The following JAK2 variants were observed in gnomAD, a reference collection of about 807,000 sequenced individuals.
JAK2 encodes Janus kinase 2.
JAK2 carries 86 observed loss-of-function variants against 139.3 expected under a neutral mutation model. That is an observed-to-expected ratio of 0.62 (90% CI 0.52 to 0.74). The LOEUF (loss-of-function observed/expected upper bound fraction) is 0.74. Among genes scored for constraint, JAK2 ranks in the 30% least tolerant of loss-of-function variants. JAK2 has a pLI of 0.00. For missense variants in JAK2, 1,421 were observed against 1,360.3 expected (o/e 1.04, Z -0.70); for synonymous variants, 490 against 437.7 (o/e 1.12, Z -1.49).
intron 23 of JAK2, 51 bp from the exon 24 acceptor site, chr9:5,126,282 T>C (rs767850998): frequency 1.8e-5 from 24 of 1,321,322 alleles, no homozygotes; most frequent in East Asian, 2.4e-5. Flanking sequence ...TGAGAAAGAA[T>C]TTTGCTACAA....
chr9:5,056,179 G>A (rs1478446809), intron 8 of JAK2, among the ~76,000 whole-genome samples: 3 of 152,082 alleles, frequency 2.0e-5, no homozygotes, highest in Non-Finnish European at 4.4e-5. Context: ...ATAAATCAAT[G>A]ATGTCTGGAA....
intron 2 of JAK2, among the ~76,000 whole-genome samples, chr9:5,010,358 C>T (rs1328105066): frequency 6.9e-6 from 1 of 145,748 alleles, no homozygotes; most frequent in Non-Finnish European, 1.5e-5. Context: ...GAGTCTCGCT[C>T]TGTCGCCCAG....
In JAK2 at chr9:4,987,153, G is replaced by C. The variant is rs150035191; in HGVS notation, c.-26+1131G>C. On this transcript the variant is annotated intron_variant, in intron 2 of 24. Transcript: ENST00000381652. ...TACATGTATTTACCTGAATAGGAAA[G>C]CTGCAGTACTTGCTGGCCAGAAGAG... Among the ~76,000 whole-genome samples the C allele has an allele frequency of 8.3e-4, 127 of 152,328 alleles. 1 individual carries two copies. The highest frequency in any genetic ancestry group is 2.7e-3 in the African/African-American group (114 of 41,574).
At chr9:5,015,802 G>T (rs1297697576) in intron 2 of JAK2, among the ~76,000 whole-genome samples, 1 of 152,100 alleles carries the variant, frequency 6.6e-6, no homozygotes, top group East Asian at 1.9e-4. Flanking sequence ...AGTGCCTATG[G>T]AATTCTGGGA....
At chr9:5,041,131 G>C in intron 4 of JAK2, 1 of 974,078 alleles carries the variant, frequency 1.0e-6, no homozygotes, top group African/African-American at 1.6e-5. Flanking sequence ...CGGTGCTCCT[G>C]ATCGCCATCC....
intron 4 of JAK2, among the ~76,000 whole-genome samples, chr9:5,038,023 C>A (rs1479890930): frequency 6.6e-6 from 1 of 152,114 alleles, no homozygotes; most frequent in Non-Finnish European, 1.5e-5. Flanking sequence ...AACGAGATTG[C>A]TTGCTTTAGC....
chr9:5,111,678 G>A, intron 22 of JAK2: 1 of 421,208 alleles, frequency 2.4e-6, no homozygotes. Context: ...GGCCCTGTGG[G>A]CAGTGGCGGA....
chr9:5,019,153 CT>C (rs1316541046), intron 2 of JAK2, among the ~76,000 whole-genome samples: 1 of 152,064 alleles, frequency 6.6e-6, no homozygotes, highest in Non-Finnish European at 1.5e-5. Flanking sequence ...TTTTCTATTC[CT>C]TTTGTATTTT....
At chr9:5,113,307 C>T (rs1481968005) in intron 22 of JAK2, among the ~76,000 whole-genome samples, 1 of 143,650 alleles carries the variant, frequency 7.0e-6, no homozygotes, top group African/African-American at 2.6e-5. Context: ...GTGGAGAAAT[C>T]GTAACATATC....
At chr9:5,085,156 C>T (rs189483352) in intron 19 of JAK2, 14 of 648,580 alleles carry the variant, frequency 2.2e-5, no homozygotes, top group Middle Eastern at 5.3e-4. Flanking sequence ...CTGTGGAGCT[C>T]TGTCTACATC....
At chr9:5,087,471 A>G (rs1288441639) in intron 19 of JAK2, among the ~76,000 whole-genome samples, 2 of 47,080 alleles carry the variant, frequency 4.2e-5, no homozygotes, top group Non-Finnish European at 6.9e-5. Flanking sequence ...GCCAAACCAT[A>G]TCACTCCCTT....
intron 3 of JAK2, among the ~76,000 whole-genome samples, chr9:5,023,715 C>T (rs1822587841): frequency 6.6e-6 from 1 of 152,114 alleles, no homozygotes. Flanking sequence ...CAGTGTTCCT[C>T]TTGGATAATC....
At position 5,019,720 on chromosome 9, in the gene JAK2, G is replaced by A. The variant is rs146085512; in HGVS notation, c.-25-2243G>A. On this transcript the variant is annotated intron_variant, in intron 2 of 24. Transcript: ENST00000381652. The stretch of plus-strand genomic sequence containing the variant: ...GGACTTTTTCCTGAAGATTTGACTG[G>A]GGTGTTTGTTGGCCAGGGCACTTTG... 5.8e-3 allele frequency among the ~76,000 whole-genome samples: 878 copies of A among 152,266 alleles called. 10 individuals are homozygous for A. The highest frequency in any genetic ancestry group is 0.02 in the African/African-American group (824 of 41,538).
At chr9:5,011,601 A>G (rs941229688) in intron 2 of JAK2, among the ~76,000 whole-genome samples, 7 of 152,178 alleles carry the variant, frequency 4.6e-5, no homozygotes, top group Non-Finnish European at 1.0e-4. Context: ...AAAGTCTTTA[A>G]AATAAATTCT....
At position 5,050,763 on chromosome 9, in the gene JAK2, A is replaced by C. The variant is rs1489246318; in HGVS notation, c.546A>C (p.Ala182=). 2 of 1,613,084 alleles carry C rather than the reference A, an allele frequency of 1.2e-6. No homozygotes were observed. The highest frequency in any genetic ancestry group is 1.7e-6 in the Non-Finnish European group (2 of 1,179,086). The change falls in exon 6 of 25, where the codon GCA becomes GCC. Residue 182 remains alanine, a synonymous_variant. Coordinates refer to ENST00000381652, the MANE Select transcript of JAK2 (RefSeq NM_004972.4). ...CACAGGAAGAATGTCTTGGGATGGC[A>C]GTGTTAGATATGATGAGAATAGCCA... ...HETQEECLGM[A]VLDMMRIAKE...
At position 5,126,318 on chromosome 9, in the gene JAK2, G is replaced by A. The variant is rs908144812; in HGVS notation, c.3178-15G>A. 6.5e-7 allele frequency: 1 copy of A among 1,535,916 alleles called. No individual in the cohort carries two copies. The highest frequency in any genetic ancestry group is 1.2e-5 in the South Asian group (1 of 84,866). ...ATTAAATGTACAAAAAATATTGAAA[G>A]TGGGTTTGTTTTAGGAATTTATGCG... On this transcript the variant is annotated splice_polypyrimidine_tract_variant and intron_variant, in intron 23 of 24. Coordinates refer to ENST00000381652, the MANE Select transcript of JAK2 (RefSeq NM_004972.4).
At chr9:5,043,367 G>T (rs1306968288) in intron 4 of JAK2, among the ~76,000 whole-genome samples, 1 of 151,914 alleles carries the variant, frequency 6.6e-6, no homozygotes, top group African/African-American at 2.4e-5. Context: ...AACATCATTG[G>T]TCATTAGAGA....
chr9:5,104,276 C>G (rs1821774132), intron 22 of JAK2, among the ~76,000 whole-genome samples: 1 of 152,182 alleles, frequency 6.6e-6, no homozygotes, highest in South Asian at 2.1e-4. Context: ...TCAGAGAATA[C>G]TATTAACACC....
At chr9:5,081,188 C>G (rs144291825) in intron 18 of JAK2, among the ~76,000 whole-genome samples, 1 of 151,850 alleles carries the variant, frequency 6.6e-6, no homozygotes, top group Non-Finnish European at 1.5e-5. Context: ...AGCCACCGCT[C>G]CCAGCCAAAA....
Sources: allele counts gnomAD v4.1 joint callset (sites outside exome capture counted in the v4.1 genomes callset), GRCh38; gene constraint gnomAD v4.1.1; transcripts MANE v1.5; gene names NCBI Gene and HGNC (gene_info 2026-07-23, HGNC 2026-07-21).